MED13L: variants seen among roughly 807,000 people sequenced by gnomAD.
The protein encoded by MED13L is mediator of RNA polymerase II transcription subunit 13-like.
A neutral mutation model predicts 220.9 loss-of-function variants in MED13L; 7 were observed. The observed-to-expected ratio is 0.03, with a 90% confidence interval of 0.02 to 0.06. The LOEUF (loss-of-function observed/expected upper bound fraction) is 0.06, where lower values mean the gene tolerates loss of function less well. Among genes scored for constraint, MED13L ranks in the 10% least tolerant of loss-of-function variants. The probability of loss-of-function intolerance (pLI) is 1.00; values close to 1 mark genes in which losing one functional copy is unlikely to be tolerated. For missense variants in MED13L, 1,965 were observed against 2,760.5 expected, an observed-to-expected ratio of 0.71 and a Z score of 6.46; for synonymous variants, 1,011 against 1,015.2, an observed-to-expected ratio of 1.00 and a Z score of 0.08.
At chr12:116,276,308 T>TTGTGTGTGTGTGTGTG (rs372521434) in intron 1 of MED13L, 83 of 224,904 alleles carry the variant, frequency 3.7e-4, no homozygotes, top group Middle Eastern at 1.9e-3. Flanking sequence ...CTTGTTGCTT[T>TTGTGTGTGTGTGTGTG]TGTGTGTGTG....
chr12:116,046,302 T>C (rs946251997), intron 4 of MED13L, among the ~76,000 whole-genome samples: 2 of 151,962 alleles, frequency 1.3e-5, no homozygotes, highest in Non-Finnish European at 2.9e-5. Context: ...ATAAATAATA[T>C]GAAGACACCC....
At chr12:116,165,971 T>A (rs963945378) in intron 2 of MED13L, among the ~76,000 whole-genome samples, 3 of 152,200 alleles carry the variant, frequency 2.0e-5, no homozygotes, top group Non-Finnish European at 4.4e-5. Context: ...CACCAAGGGC[T>A]GCTGTCCTTT....
At chr12:116,021,446 A>G (rs1326004697) in intron 5 of MED13L, among the ~76,000 whole-genome samples, 1 of 152,190 alleles carries the variant, frequency 6.6e-6, no homozygotes, top group African/African-American at 2.4e-5. Context: ...ATTTGCAAAT[A>G]CTGTACAATT....
chr12:115,998,510 C>G (rs1007711095), intron 14 of MED13L, among the ~76,000 whole-genome samples: 2 of 152,206 alleles, frequency 1.3e-5, no homozygotes, highest in African/African-American at 4.8e-5. Flanking sequence ...TCACTTCCCC[C>G]CTTGGGGCCT....
chr12:116,274,089 G>C (rs903898246), intron 1 of MED13L, among the ~76,000 whole-genome samples: 3 of 152,160 alleles, frequency 2.0e-5, no homozygotes, highest in African/African-American at 7.2e-5. Flanking sequence ...TCTCACAGCA[G>C]TTAGAATAAG....
At chr12:116,155,128 A>C (rs578112745) in intron 2 of MED13L, among the ~76,000 whole-genome samples, 3 of 152,304 alleles carry the variant, frequency 2.0e-5, no homozygotes, top group African/African-American at 4.8e-5. Context: ...CCACCGGCCA[A>C]GATATTCTCT....
intron 2 of MED13L, among the ~76,000 whole-genome samples, chr12:116,180,161 G>C (rs1481515519): frequency 6.6e-6 from 1 of 152,126 alleles, no homozygotes; most frequent in Non-Finnish European, 1.5e-5. Flanking sequence ...CCAATGGCAG[G>C]GGCCAGAGAT....
At chr12:116,111,928 T>A (rs1874126133) in intron 2 of MED13L, among the ~76,000 whole-genome samples, 1 of 152,100 alleles carries the variant, frequency 6.6e-6, no homozygotes, top group African/African-American at 2.4e-5. Flanking sequence ...AGAGGGAAAA[T>A]CAAGAGGAAA....
intron 13 of MED13L, 78 bp from the exon 14 acceptor site, chr12:116,003,180 C>T (rs1403300358): frequency 3.9e-6 from 5 of 1,271,520 alleles, no homozygotes; most frequent in Non-Finnish European, 5.7e-6. Flanking sequence ...CTAATGTATG[C>T]CTATTGGTAG....
In MED13L at chr12:116,230,383, A is replaced by T. The variant is rs543832511; in HGVS notation, c.310+7085T>A. 6.0e-5 allele frequency: 41 copies of T among 683,546 alleles called. 1 individual carries two copies. The African/African-American group carries it at 7.8e-4, about 13-fold the overall frequency. The allele number at this position is 683,546 out of a possible 1,614,324, so 42.3% of individuals were successfully genotyped here. A position where few individuals can be genotyped will look rare whatever the true frequency, so the allele number is the denominator to read the frequency against. On this transcript the variant is annotated intron_variant, in intron 2 of 30. Transcript: ENST00000281928. ...CCACTGCACTCCAGCCTGGGTGACAAAGTGAGACTCCGTCTCAACAACAAT... is the reference window on the plus strand; with the variant it reads ...CCACTGCACTCCAGCCTGGGTGACATAGTGAGACTCCGTCTCAACAACAAT...
chr12:116,066,116 TAC>T (rs374009581), intron 4 of MED13L, among the ~76,000 whole-genome samples: 2 of 152,080 alleles, frequency 1.3e-5, no homozygotes, highest in African/African-American at 2.4e-5. Context: ...CACACATACA[TAC>T]ACACACACAC....
chr12:116,135,564 G>C (rs1420877587), intron 2 of MED13L, among the ~76,000 whole-genome samples: 1 of 152,158 alleles, frequency 6.6e-6, no homozygotes, highest in Non-Finnish European at 1.5e-5. Flanking sequence ...TAATGAAATG[G>C]TTGCCATTTT....
At chr12:116,000,656 C>T (rs1430495908) in intron 14 of MED13L, among the ~76,000 whole-genome samples, 1 of 152,170 alleles carries the variant, frequency 6.6e-6, no homozygotes, top group African/African-American at 2.4e-5. Flanking sequence ...AACTGATGTG[C>T]TTTCAAATGC....
intron 5 of MED13L, among the ~76,000 whole-genome samples, chr12:116,021,503 T>C (rs1880058294): frequency 6.6e-6 from 1 of 152,168 alleles, no homozygotes; most frequent in African/African-American, 2.4e-5. Context: ...CTAGTAGTTT[T>C]ATTATATTTG....
chr12:116,213,355 A>G (rs1330942650), intron 2 of MED13L, among the ~76,000 whole-genome samples: 1 of 152,178 alleles, frequency 6.6e-6, no homozygotes, highest in Non-Finnish European at 1.5e-5. Context: ...GAAGTAAAAA[A>G]TAATACTACT....
chr12:116,189,348 T>G (rs779674495), intron 2 of MED13L, among the ~76,000 whole-genome samples: 1 of 152,114 alleles, frequency 6.6e-6, no homozygotes, highest in African/African-American at 2.4e-5. Flanking sequence ...ATTGGACTAG[T>G]TGGATTTTTT....
At chr12:115,999,287 A>G (rs138101288) in intron 14 of MED13L, among the ~76,000 whole-genome samples, 145 of 152,124 alleles carry the variant, frequency 9.5e-4, no homozygotes, top group African/African-American at 3.4e-3. Flanking sequence ...TGCTGGCAGG[A>G]GGCTGAGGCA....
At chr12:116,059,198 G>C (rs1286890629) in intron 4 of MED13L, among the ~76,000 whole-genome samples, 1 of 152,134 alleles carries the variant, frequency 6.6e-6, no homozygotes, top group Non-Finnish European at 1.5e-5. Context: ...CTCCCAAGTG[G>C]TTGGGACTAC....
chr12:116,267,660 T>C (rs190173180), intron 1 of MED13L, among the ~76,000 whole-genome samples: 13 of 152,342 alleles, frequency 8.5e-5, no homozygotes, highest in African/African-American at 3.1e-4. Context: ...ACTACCAGGT[T>C]ATTTCCCATT....
Sources: gnomAD v4.1 joint callset for allele counts (sites outside exome capture counted in the v4.1 genomes callset) on GRCh38, gnomAD v4.1.1 for gene constraint, MANE v1.5 for transcripts, NCBI Gene and HGNC (gene_info 2026-07-23, HGNC 2026-07-21) for gene names.